Variants in GRM1 observed in about 807,000 individuals in gnomAD.
The protein encoded by GRM1 is glutamate metabotropic receptor 1.
In GRM1, 33 loss-of-function variants were observed where a neutral mutation model predicts 90.9. The ratio of observed to expected loss-of-function variants is 0.36; its 90% CI spans 0.28 to 0.49. GRM1 has a LOEUF of 0.49. Ranked by LOEUF, GRM1 falls within the 20% of genes least tolerant of loss-of-function variation. The probability of loss-of-function intolerance (pLI) is 0.99; values close to 1 mark genes in which losing one functional copy is unlikely to be tolerated. For synonymous variants in GRM1, 700 were observed against 613.2 expected, an observed-to-expected ratio of 1.14 and a Z score of -2.09; for missense variants, 1,190 against 1,534.3, an observed-to-expected ratio of 0.78 and a Z score of 3.75.
rs116317676 is a variant in GRM1 at position 146,290,041 on chromosome 6, G to T, written c.951-14570G>T. The stretch of plus-strand genomic sequence containing the variant: ...AAATAATGGATTTGGGAAATGCTCA[G>T]CCTGTCCAGATTACAAATATGCTAA... On this transcript the variant is annotated intron_variant, in intron 2 of 7. Transcript: ENST00000282753. Among the ~76,000 whole-genome samples the T allele has an allele frequency of 8.9e-3, 1,358 of 152,326 alleles. 19 individuals carry two copies. Among genetic ancestry groups the T allele is most frequent in the African/African-American group, 0.03 (1,252 of 41,568 alleles).
intron 2 of GRM1, among the ~76,000 whole-genome samples, chr6:146,270,229 TA>T (rs1562570478): frequency 6.6e-6 from 1 of 152,160 alleles, no homozygotes; most frequent in Non-Finnish European, 1.5e-5. Flanking sequence ...ATTATTTCCT[TA>T]AAAAAAGATT....
chr6:146,296,118 A>G (rs146570174), intron 2 of GRM1, among the ~76,000 whole-genome samples: 166 of 152,278 alleles, frequency 1.1e-3, no homozygotes, highest in African/African-American at 3.7e-3. Context: ...CCAATCTGTT[A>G]TAGATGGGCA....
intron 1 of GRM1, among the ~76,000 whole-genome samples, chr6:146,045,735 A>G (rs13215078): frequency 2.2e-5 from 3 of 135,878 alleles, no homozygotes; most frequent in Non-Finnish European, 4.6e-5. Flanking sequence ...CTTTCTCACC[A>G]AAGTGGAATA....
chr6:146,191,998 C>A (rs1316587864), intron 2 of GRM1, among the ~76,000 whole-genome samples: 3 of 152,146 alleles, frequency 2.0e-5, no homozygotes, highest in Admixed American at 6.6e-5. Flanking sequence ...TGATCTATTG[C>A]AATCTTTTGT....
At position 146,029,879 on chromosome 6, in the gene GRM1, A is replaced by G. The variant is rs753847166; in HGVS notation, c.362A>G (p.Glu121Gly). 1 of 1,614,056 alleles carries G rather than the reference A, an allele frequency of 6.2e-7. No homozygotes were observed. Among genetic ancestry groups the G allele is most frequent in the Non-Finnish European group, 8.5e-7 (1 of 1,179,984 alleles). The change falls in exon 1 of 8, where the codon GAG (glutamate) becomes GGG (glycine). Residue 121 changes from glutamate to glycine, a missense_variant. By Grantham distance (98) the Glu-to-Gly change is moderately conservative. Transcript: ENST00000282753. ...TCCGTGGCTCTGGAACAGAGCATTG[A>G]GTTCATTAGGGACTCTCTGATTTCC... ...HSSVALEQSI[E>G]FIRDSLISIR...
chr6:146,346,087 C>A (rs1785179722), intron 3 of GRM1, among the ~76,000 whole-genome samples: 1 of 152,236 alleles, frequency 6.6e-6, no homozygotes, highest in East Asian at 1.9e-4. Context: ...CTTTAACACC[C>A]TTGTGATTGC....
intron 7 of GRM1, among the ~76,000 whole-genome samples, chr6:146,406,900 TA>T (rs1332921471): frequency 6.6e-6 from 1 of 151,978 alleles, no homozygotes; most frequent in African/African-American, 2.4e-5. Context: ...GAAAGAAGGG[TA>T]TTGTGTATCC....
chr6:146,107,722 C>G (rs1438749308), intron 1 of GRM1, among the ~76,000 whole-genome samples: 1 of 152,156 alleles, frequency 6.6e-6, no homozygotes, highest in Non-Finnish European at 1.5e-5. Flanking sequence ...TTTAATGTAT[C>G]CATGGAGTCT....
At chr6:146,259,964 A>G (rs6570751) in intron 2 of GRM1, among the ~76,000 whole-genome samples, 14,205 of 148,032 alleles carry the variant, frequency 0.096, 1,790 homozygotes, top group African/African-American at 0.28. Context: ...TTATTTATAT[A>G]TATATATATT....
At chr6:146,078,851 T>C (rs1049660542) in intron 1 of GRM1, among the ~76,000 whole-genome samples, 1 of 152,050 alleles carries the variant, frequency 6.6e-6, no homozygotes, top group Non-Finnish European at 1.5e-5. Flanking sequence ...CCCTTTCCCA[T>C]CCCCACCATC....
chr6:146,083,615 T>C (rs1776441348), intron 1 of GRM1, among the ~76,000 whole-genome samples: 1 of 152,216 alleles, frequency 6.6e-6, no homozygotes, highest in South Asian at 2.1e-4. Context: ...TTTTTTGATG[T>C]GCTGCTGGAT....
At chr6:146,401,479 TC>T (rs1777156938) in intron 7 of GRM1, among the ~76,000 whole-genome samples, 1 of 152,104 alleles carries the variant, frequency 6.6e-6, no homozygotes, top group African/African-American at 2.4e-5. Flanking sequence ...ACTAACAATT[TC>T]CATTAAGAGG....
chr6:146,174,415 C>T (rs758945924), intron 2 of GRM1, among the ~76,000 whole-genome samples: 5 of 152,130 alleles, frequency 3.3e-5, no homozygotes, highest in Non-Finnish European at 5.9e-5. Flanking sequence ...AAATTTTACT[C>T]TAGTCCATGC....
Position 146,399,385 on chromosome 6 carries a change from C to G in GRM1, c.2346C>G (p.Asn782Lys). Residue 782 changes from asparagine to lysine, a missense_variant, in exon 7 of 8, where the codon AAC becomes AAG. Asn to Lys is a moderately conservative substitution (Grantham distance 94). This residue lies in a region of GRM1 where 73 missense variants were observed against 150.6 expected (regional missense o/e 0.48). Transcript: ENST00000282753. The surrounding 1 kb of genome is among the most constrained non-coding windows in gnomAD (Gnocchi z 5.4). ...FKTRNVPANF[N>K]EAKYIAFTMY... Reference sequence around the variant, plus strand: ...CCCGCAACGTGCCCGCCAACTTCAACGAGGCCAAATATATCGCGTTCACCA... The same window carrying G: ...CCCGCAACGTGCCCGCCAACTTCAAGGAGGCCAAATATATCGCGTTCACCA... The G allele has an allele frequency of 6.2e-7, 1 of 1,614,176 alleles. No individual in the cohort carries two copies. The highest frequency in any genetic ancestry group is 8.5e-7 in the Non-Finnish European group (1 of 1,180,028).
At chr6:146,048,955 G>C (rs1039799358) in intron 1 of GRM1, among the ~76,000 whole-genome samples, 1 of 151,850 alleles carries the variant, frequency 6.6e-6, no homozygotes, top group Non-Finnish European at 1.5e-5. Context: ...CCCAGTGTAT[G>C]CTACTTTGTT....
chr6:146,243,971 T>G (rs1169689150), intron 2 of GRM1, among the ~76,000 whole-genome samples: 1 of 152,166 alleles, frequency 6.6e-6, no homozygotes, highest in African/African-American at 2.4e-5. Flanking sequence ...TTCTCCTATT[T>G]GCTTTTGAAA....
intron 2 of GRM1, among the ~76,000 whole-genome samples, chr6:146,181,316 G>GA (rs1194352677): frequency 1.3e-5 from 2 of 151,766 alleles, no homozygotes; most frequent in Admixed American, 1.3e-4. Context: ...AAATGTCTGA[G>GA]GCACTGAATA....
intron 3 of GRM1, among the ~76,000 whole-genome samples, chr6:146,341,812 C>A (rs901025435): frequency 3.9e-5 from 6 of 152,154 alleles, no homozygotes; most frequent in African/African-American, 1.4e-4. Context: ...TAACGAGAAG[C>A]CTTATAGGCA....
At chr6:146,349,918 C>T (rs1373233776) in intron 3 of GRM1, among the ~76,000 whole-genome samples, 4 of 152,066 alleles carry the variant, frequency 2.6e-5, no homozygotes, top group Non-Finnish European at 5.9e-5. Context: ...CCCTTAATAA[C>T]CTCAGAAGAT....
Sources: gnomAD v4.1 joint callset for allele counts (sites outside exome capture counted in the v4.1 genomes callset) on GRCh38, gnomAD v4.1.1 for gene constraint, gnomAD v4.1.1 regional missense constraint, Gnocchi (gnomAD v3.1) non-coding constraint, MANE v1.5 for transcripts, NCBI Gene and HGNC (gene_info 2026-07-23, HGNC 2026-07-21) for gene names.